MEIG1: variants seen among roughly 807,000 people sequenced by gnomAD.
The protein encoded by MEIG1 is meiosis expressed gene 1 protein homolog.
MEIG1 carries 12 observed loss-of-function variants against 11.3 expected under a neutral mutation model. The ratio of observed to expected loss-of-function variants is 1.07; its 90% confidence interval spans 0.68 to 1.73. The LOEUF is 1.73. MEIG1 is among the 40% of genes most tolerant of loss of function. The pLI is 0.00. For synonymous variants in MEIG1, 41 were observed against 33.2 expected, an observed-to-expected ratio of 1.24 and a Z score of -0.81; for missense variants, 119 against 104.9, an observed-to-expected ratio of 1.13 and a Z score of -0.59.
intron 2 of MEIG1, among the ~76,000 whole-genome samples, chr10:14,971,239 C>T (rs114657143): frequency 0.021 from 1,450 of 67,852 alleles, 21 homozygotes; most frequent in African/African-American, 0.064. Flanking sequence ...ATAATAATAA[C>T]AACAATAAAG....
At position 14,972,653 on chromosome 10, in the gene MEIG1, T is replaced by C; in HGVS notation, c.*12T>C. On this transcript the variant is annotated 3_prime_UTR_variant, in exon 3 of 3. Transcript: ENST00000407572. ...TTTATGCTTACTAGCCTGTCTTCTT[T>C]GTATTACTTGTCAATTATATTTTAA... The C allele has an allele frequency of 3.2e-6, 5 of 1,577,550 alleles. No individual in the cohort carries two copies. Among genetic ancestry groups the C allele is most frequent in the Non-Finnish European group, 4.3e-6 (5 of 1,163,150 alleles).
At chr10:14,960,809 C>T (rs1269694266) in intron 1 of MEIG1, among the ~76,000 whole-genome samples, 2 of 151,834 alleles carry the variant, frequency 1.3e-5, no homozygotes, top group Admixed American at 6.5e-5. Flanking sequence ...GGCGGATCAC[C>T]TGAGGTCGGG....
At chr10:14,982,198 G>C (rs1287499622) in intron 1 of MEIG1, among the ~76,000 whole-genome samples, 1 of 152,170 alleles carries the variant, frequency 6.6e-6, no homozygotes, top group Non-Finnish European at 1.5e-5. Flanking sequence ...TGACCTCAGA[G>C]ACCTTGTTAA....
upstream of MEIG1, among the ~76,000 whole-genome samples, chr10:14,955,482 T>C (rs536091397): frequency 1.2e-4 from 19 of 152,134 alleles, no homozygotes; most frequent in East Asian, 3.1e-3. Flanking sequence ...AGGCAGGTGA[T>C]CACCTGAGGT....
chr10:14,977,500 A>G (rs1352625326), downstream of MEIG1, among the ~76,000 whole-genome samples: 1 of 145,910 alleles, frequency 6.9e-6, no homozygotes, highest in Non-Finnish European at 1.5e-5. Context: ...TGTCACTCCT[A>G]TAATGTCACA....
upstream of MEIG1, among the ~76,000 whole-genome samples, chr10:14,955,221 T>G (rs533859631): frequency 6.6e-6 from 1 of 152,328 alleles, no homozygotes; most frequent in African/African-American, 2.4e-5. Flanking sequence ...TGTACCTGGC[T>G]TTCCAGGCCT....
intron 1 of MEIG1, 92 bp from the exon 2 acceptor site, chr10:14,966,348 C>T (rs1843083847): frequency 2.4e-6 from 2 of 818,022 alleles, no homozygotes; most frequent in African/African-American, 1.8e-5. Flanking sequence ...AGGTGTGAGC[C>T]ACCGCACCCG....
At chr10:14,984,219 C>T (rs575109293) in intron 1 of MEIG1, among the ~76,000 whole-genome samples, 1 of 148,160 alleles carries the variant, frequency 6.7e-6, no homozygotes, top group African/African-American at 2.5e-5. Flanking sequence ...GGGAGCCCAC[C>T]CCCCTGCGAT....
rs34326480 is a variant in MEIG1, at chr10:14,967,185, C to CAA, written c.138+587_138+588dup. On this transcript the variant is annotated intron_variant, in intron 2 of 2. Coordinates refer to ENST00000407572, the MANE Select transcript of MEIG1 (RefSeq NM_001080836.3). ...TAAATGAATCTTTTGCGGTAGACCA[C>CAA]AAAAAAAAAGCTTTTTTCCTCACTC... is the stretch of plus-strand genomic sequence containing the variant. Among the ~76,000 whole-genome samples the CAA allele has an allele frequency of 6.6e-4, 99 of 150,482 alleles. No individual in the cohort carries two copies. The East Asian group carries it at 9.4e-3, about 14-fold the overall frequency.
chr10:14,976,118 C>T (rs1451587005), downstream of MEIG1, among the ~76,000 whole-genome samples: 1 of 151,988 alleles, frequency 6.6e-6, no homozygotes, highest in Admixed American at 6.5e-5. Context: ...AATCGTAATA[C>T]CCAGGTGGGG....
At chr10:14,954,361 C>G in the MEIG1 span, 1 of 395,206 alleles carries the variant, frequency 2.5e-6, no homozygotes, top group Admixed American at 3.6e-5. Flanking sequence ...ATCGAAACTC[C>G]CAGAGCAGGT....
chr10:14,987,754 C>T (rs4261189), intron 2 of MEIG1: 74,808 of 195,336 alleles, frequency 0.38, 15,374 homozygotes, highest in African/African-American at 0.55. Context: ...TCAGAAAAAA[C>T]ACAATGCAAT....
downstream of MEIG1, among the ~76,000 whole-genome samples, chr10:14,974,843 T>C (rs561497546): frequency 6.6e-6 from 1 of 152,128 alleles, no homozygotes; most frequent in Non-Finnish European, 1.5e-5. Flanking sequence ...ATCTGAACAC[T>C]TTATGAGCAA....
chr10:14,981,040 G>A (rs1361809421), intron 1 of MEIG1, among the ~76,000 whole-genome samples: 1 of 152,108 alleles, frequency 6.6e-6, no homozygotes, highest in Non-Finnish European at 1.5e-5. Context: ...GTGTTCCATG[G>A]CGAATGACAA....
At chr10:14,954,263 T>C in the MEIG1 span, 6 of 591,874 alleles carry the variant, frequency 1.0e-5, no homozygotes, top group African/African-American at 1.1e-4. Context: ...CCCTGCCCAG[T>C]GCAAGGCTCA....
chr10:14,962,420 T>C (rs1289373712), intron 1 of MEIG1, among the ~76,000 whole-genome samples: 1 of 152,182 alleles, frequency 6.6e-6, no homozygotes, highest in Non-Finnish European at 1.5e-5. Context: ...AAAATAAAAT[T>C]TTGAAATGCT....
intron 1 of MEIG1, among the ~76,000 whole-genome samples, chr10:14,979,796 C>T (rs1280185111): frequency 1.3e-5 from 2 of 152,034 alleles, no homozygotes; most frequent in Non-Finnish European, 2.9e-5. Context: ...ACATGGTGTA[C>T]ACCCTGTGAT....
downstream of MEIG1, among the ~76,000 whole-genome samples, chr10:14,974,802 T>C (rs1482222326): frequency 1.3e-5 from 2 of 152,034 alleles, no homozygotes; most frequent in African/African-American, 4.8e-5. Context: ...ACAGTCATAT[T>C]AGCTCTTAAT....
chr10:14,971,769 G>T (rs928436365), intron 2 of MEIG1, among the ~76,000 whole-genome samples: 1 of 152,288 alleles, frequency 6.6e-6, no homozygotes, highest in African/African-American at 2.4e-5. Context: ...GAGAAATGAA[G>T]TTTAGATTAC....
Sources: allele counts gnomAD v4.1 joint callset (sites outside exome capture counted in the v4.1 genomes callset), GRCh38; gene constraint gnomAD v4.1.1; transcripts MANE v1.5; gene names NCBI Gene and HGNC (gene_info 2026-07-23, HGNC 2026-07-21).